NTF3: variants seen among roughly 807,000 people sequenced by gnomAD.
NTF3 encodes the protein neurotrophin 3.
Under a neutral mutation model 26.3 loss-of-function variants are expected in NTF3, and 8 were observed. The ratio of observed to expected loss-of-function variants is 0.30; its 90% confidence interval spans 0.18 to 0.55. NTF3 has a LOEUF of 0.55. NTF3 is among the 20% of genes least tolerant of loss of function. The pLI is 0.93. For synonymous variants in NTF3, 154 were observed against 145.5 expected (o/e 1.06, Z -0.42); for missense variants, 276 against 352.9 (o/e 0.78, Z 1.75).
intron 1 of NTF3, among the ~76,000 whole-genome samples, chr12:5,454,047 G>C (rs1233600791): frequency 1.3e-5 from 2 of 152,186 alleles, no homozygotes; most frequent in Non-Finnish European, 2.9e-5. Flanking sequence ...GTCTCCTGGG[G>C]CTGCCGTAAC....
intron 1 of NTF3, among the ~76,000 whole-genome samples, chr12:5,480,973 A>G (rs1940785489): frequency 6.6e-6 from 1 of 152,002 alleles, no homozygotes; most frequent in Non-Finnish European, 1.5e-5. Flanking sequence ...TTTCCAGTTC[A>G]TGGGGACCCA....
upstream of NTF3, among the ~76,000 whole-genome samples, chr12:5,431,582 G>A (rs955380229): frequency 7.9e-5 from 12 of 151,934 alleles, no homozygotes; most frequent in African/African-American, 2.9e-4. Flanking sequence ...TTGGTAGGGG[G>A]TGGGGAGAGA....
chr12:5,431,715 C>A (rs1940089980), upstream of NTF3, among the ~76,000 whole-genome samples: 1 of 151,932 alleles, frequency 6.6e-6, no homozygotes, highest in African/African-American at 2.4e-5. Context: ...GAAAAAAGAT[C>A]AAAAAGAAAA....
rs538471545 is a variant in NTF3, at chr12:5,493,602, A to G, written c.19-592A>G. Among the ~76,000 whole-genome samples, 49 of 152,236 alleles carry G rather than the reference A, an allele frequency of 3.2e-4. 1 individual carries two copies. Among genetic ancestry groups the G allele is most frequent in the African/African-American group, 1.1e-3 (47 of 41,546 alleles). On this transcript the variant is annotated intron_variant, in intron 1 of 1. Transcript: ENST00000423158. ...CTCGCGGAGTGGGTAGTGGCCCTAC[A>G]TGTTCATTTCCAAGGGCAGGAGAAT...
In NTF3 at chr12:5,456,533, C is replaced by T. The variant is rs1291598402; in HGVS notation, c.18+24191C>T. 6.6e-6 allele frequency among the ~76,000 whole-genome samples: 1 copy of T among 152,104 alleles called. No homozygotes were observed. The highest frequency in any genetic ancestry group is 1.5e-5 in the Non-Finnish European group (1 of 68,024). On this transcript the variant is annotated intron_variant, in intron 1 of 1. Transcript: ENST00000423158. This position sits in a 1 kb window ranked among gnomAD's most constrained non-coding sequence, Gnocchi z 4.4. ...ACGGTGGACCTGGCTCCTCAGAGAG[C>T]TCTAGGGACAGAGGAGAGAAAGGGT...
intron 1 of NTF3, among the ~76,000 whole-genome samples, chr12:5,473,623 G>A (rs1304847747): frequency 6.6e-6 from 1 of 152,202 alleles, no homozygotes; most frequent in African/African-American, 2.4e-5. Context: ...CGTCTAGTAG[G>A]TGGAGTGTGA....
intron 1 of NTF3, among the ~76,000 whole-genome samples, chr12:5,443,419 C>T (rs141940599): frequency 4.1e-4 from 62 of 152,220 alleles, no homozygotes; most frequent in African/African-American, 1.4e-3. Flanking sequence ...CCACATGCAG[C>T]AGGAGAGAGA....
In NTF3 at chr12:5,494,995, A is replaced by ATG. The variant is rs1333782742; in HGVS notation, c.*8_*9insGT. 1 of 1,610,498 alleles carries ATG rather than the reference A, an allele frequency of 6.2e-7. No homozygotes were observed. The highest frequency in any genetic ancestry group is 2.2e-5 in the East Asian group (1 of 44,710). On this transcript the variant is annotated 3_prime_UTR_variant, in exon 2 of 2. Transcript: ENST00000423158. The surrounding 1 kb of genome is among the most constrained non-coding windows in gnomAD (Gnocchi z 8.3). The stretch of plus-strand genomic sequence containing the variant: ...AAAAATCGGAAGAACATGAATTGGC[A>ATG]TCTCTCCCCATATATAAATTATTAC...
In NTF3 at chr12:5,440,466, G is replaced by A. The variant is rs142096175; in HGVS notation, c.18+8124G>A. 3.9e-3 allele frequency among the ~76,000 whole-genome samples: 594 copies of A among 152,252 alleles called. 3 individuals carry two copies. Among genetic ancestry groups the A allele is most frequent in the African/African-American group, 0.013 (543 of 41,558 alleles). On this transcript the variant is annotated intron_variant, in intron 1 of 1. Transcript: ENST00000423158. The stretch of plus-strand genomic sequence containing the variant: ...TGATCCCTCAGGGAGTTTGTTTCAA[G>A]TTCTCAATCTGAGATTAGTTTCATC...
chr12:5,468,626 A>G (rs1033187699), intron 1 of NTF3, among the ~76,000 whole-genome samples: 5 of 152,226 alleles, frequency 3.3e-5, no homozygotes, highest in African/African-American at 1.2e-4. Flanking sequence ...GATGTAAACT[A>G]AAAAATGGTA....
chr12:5,481,988 C>A (rs1475555453), intron 1 of NTF3, among the ~76,000 whole-genome samples: 1 of 151,760 alleles, frequency 6.6e-6, no homozygotes, highest in Non-Finnish European at 1.5e-5. Flanking sequence ...GACACACTCG[C>A]AGGCATACAT....
intron 1 of NTF3, among the ~76,000 whole-genome samples, chr12:5,457,554 T>C (rs1049202050): frequency 6.6e-6 from 1 of 152,128 alleles, no homozygotes; most frequent in Non-Finnish European, 1.5e-5. Flanking sequence ...TGACCTGGGC[T>C]CTCCTCTCTC....
At chr12:5,431,962 G>T (rs7977605), upstream of NTF3, 2 of 105,490 alleles carry the variant, frequency 1.9e-5, no homozygotes, top group African/African-American at 7.0e-5. Flanking sequence ...AAGTGAGGGC[G>T]GGGGGGGGGC....
At chr12:5,445,518 C>G (rs946740313) in intron 1 of NTF3, among the ~76,000 whole-genome samples, 3 of 152,166 alleles carry the variant, frequency 2.0e-5, no homozygotes, top group African/African-American at 7.2e-5. Flanking sequence ...AGTGTGAATA[C>G]TCCTTGGCAA....
At chr12:5,469,085 A>C (rs945807681) in intron 1 of NTF3, among the ~76,000 whole-genome samples, 14 of 152,094 alleles carry the variant, frequency 9.2e-5, no homozygotes, top group Admixed American at 9.2e-4. Flanking sequence ...TGTGCCATTG[A>C]ACTCCTGCCT....
chr12:5,447,866 C>T (rs888282639), intron 1 of NTF3, among the ~76,000 whole-genome samples: 5 of 152,164 alleles, frequency 3.3e-5, no homozygotes, highest in Admixed American at 6.5e-5. Context: ...AATGTTACAG[C>T]GCTGGCTTGA....
intron 1 of NTF3, among the ~76,000 whole-genome samples, chr12:5,445,471 C>T (rs975974199): frequency 6.6e-6 from 1 of 152,190 alleles, no homozygotes; most frequent in Middle Eastern, 3.4e-3. Flanking sequence ...GGCAGAGACC[C>T]AGATGGACAG....
intron 1 of NTF3, among the ~76,000 whole-genome samples, chr12:5,453,434 C>G (rs1462988455): frequency 6.6e-6 from 1 of 152,176 alleles, no homozygotes; most frequent in Non-Finnish European, 1.5e-5. Context: ...GATCTGCCCA[C>G]ATATGCACAC....
intron 1 of NTF3, among the ~76,000 whole-genome samples, chr12:5,441,968 G>A (rs888391082): frequency 7.2e-5 from 11 of 152,170 alleles, no homozygotes; most frequent in Admixed American, 4.6e-4. Context: ...CATTGCATAC[G>A]CATTAGGATA....
Sources: gnomAD v4.1 joint callset for allele counts (sites outside exome capture counted in the v4.1 genomes callset) on GRCh38, gnomAD v4.1.1 for gene constraint, Gnocchi (gnomAD v3.1) non-coding constraint, MANE v1.5 for transcripts, NCBI Gene and HGNC (gene_info 2026-07-23, HGNC 2026-07-21) for gene names.